BTBD9: variants seen among roughly 807,000 people sequenced by gnomAD.
BTBD9 encodes the protein BTB/POZ domain-containing protein 9.
BTBD9 carries 49 observed loss-of-function variants against 64.3 expected under a neutral mutation model. That is an observed-to-expected ratio of 0.76 (90% confidence interval 0.61 to 0.97). BTBD9 has a LOEUF of 0.97. BTBD9 is among the 50% of genes least tolerant of loss of function. BTBD9 has a pLI of 0.00. For missense variants in BTBD9, 598 were observed against 762.1 expected, an observed-to-expected ratio of 0.78 and a Z score of 2.53; for synonymous variants, 260 against 274.7, an observed-to-expected ratio of 0.95 and a Z score of 0.53.
At chr6:38,322,641 C>T (rs771758152) in intron 7 of BTBD9, among the ~76,000 whole-genome samples, 33 of 152,242 alleles carry the variant, frequency 2.2e-4, no homozygotes, top group Middle Eastern at 6.8e-3. Flanking sequence ...AGCCATTTAC[C>T]GCTCCATTTT....
intron 6 of BTBD9, among the ~76,000 whole-genome samples, chr6:38,476,086 TTG>T (rs1228943377): frequency 6.6e-6 from 1 of 152,222 alleles, no homozygotes; most frequent in Non-Finnish European, 1.5e-5. Flanking sequence ...GGGGTTGCCA[TTG>T]TGTTTTTCAC....
chr6:38,209,257 C>A (rs1440309195), intron 9 of BTBD9, among the ~76,000 whole-genome samples: 3 of 152,152 alleles, frequency 2.0e-5, no homozygotes, highest in African/African-American at 7.2e-5. Context: ...GTGTCTACCC[C>A]AGCCTTAGAT....
intron 6 of BTBD9, among the ~76,000 whole-genome samples, chr6:38,444,453 G>C (rs1462363377): frequency 6.6e-6 from 1 of 152,130 alleles, no homozygotes; most frequent in African/African-American, 2.4e-5. Flanking sequence ...CTTTCTTATA[G>C]CATATAGAAT....
At position 38,356,109 on chromosome 6, in the gene BTBD9, C is replaced by G. The variant is rs192739154; in HGVS notation, c.1155-11016G>C. On this transcript the variant is annotated intron_variant, in intron 6 of 10. Coordinates refer to ENST00000481247, the MANE Select transcript of BTBD9 (RefSeq NM_001099272.2). Reference sequence around the variant, plus strand: ...TCCTTTTGTCTTTTTTTTTAAAAAACCATGTCCTGCTCTTGGAGCATGTAG... The same window carrying G: ...TCCTTTTGTCTTTTTTTTTAAAAAAGCATGTCCTGCTCTTGGAGCATGTAG... 7.1e-4 allele frequency among the ~76,000 whole-genome samples: 108 copies of G among 152,018 alleles called. 1 individual carries two copies. Among genetic ancestry groups the G allele is most frequent in the Non-Finnish European group, 1.4e-3 (95 of 67,956 alleles).
intron 6 of BTBD9, among the ~76,000 whole-genome samples, chr6:38,417,877 T>C (rs1344738926): frequency 6.6e-6 from 1 of 152,082 alleles, no homozygotes; most frequent in Non-Finnish European, 1.5e-5. Flanking sequence ...GACTTTCATT[T>C]TCCCATAATA....
chr6:38,588,008 C>A, intron 4 of BTBD9: 2 of 742,144 alleles, frequency 2.7e-6, no homozygotes, highest in South Asian at 2.8e-5. Context: ...AGTTCAGCCA[C>A]AGCAACCACC....
At chr6:38,317,188 G>C (rs1375088844) in intron 7 of BTBD9, among the ~76,000 whole-genome samples, 1 of 151,928 alleles carries the variant, frequency 6.6e-6, no homozygotes, top group Non-Finnish European at 1.5e-5. Context: ...GTAGAGACAG[G>C]GTTTCACTAT....
chr6:38,257,191 C>T (rs945871286), intron 8 of BTBD9, among the ~76,000 whole-genome samples: 1 of 151,308 alleles, frequency 6.6e-6, no homozygotes, highest in Non-Finnish European at 1.5e-5. Flanking sequence ...GTGCGAGCCA[C>T]CGTGCCCAGC....
intron 6 of BTBD9, among the ~76,000 whole-genome samples, chr6:38,358,788 G>T (rs1438293542): frequency 1.4e-5 from 2 of 146,900 alleles, no homozygotes; most frequent in Admixed American, 6.8e-5. Flanking sequence ...TTTTTGAGAC[G>T]GAGTCTCGCT....
chr6:38,382,964 T>A (rs1766002096), intron 6 of BTBD9, among the ~76,000 whole-genome samples: 2 of 151,964 alleles, frequency 1.3e-5, no homozygotes, highest in South Asian at 4.1e-4. Context: ...TACCAAACAT[T>A]CAAGAAACAG....
intron 6 of BTBD9, among the ~76,000 whole-genome samples, chr6:38,544,306 CCATGGGAGTCCCCATGGATACTGAGA>C (rs1318814716): frequency 2.0e-5 from 3 of 152,092 alleles, no homozygotes; most frequent in East Asian, 3.9e-4. Flanking sequence ...ATTTTAGTAT[CCATGGGAGTCCCCATGGATACTGAGA>C]GACAACTATA....
intron 6 of BTBD9, among the ~76,000 whole-genome samples, chr6:38,429,880 G>A (rs1399815195): frequency 6.6e-6 from 1 of 151,912 alleles, no homozygotes; most frequent in Non-Finnish European, 1.5e-5. Flanking sequence ...TATGCTGAAT[G>A]AAAATTCCAA....
intron 6 of BTBD9, among the ~76,000 whole-genome samples, chr6:38,574,121 T>A (rs529248371): frequency 6.6e-6 from 1 of 152,294 alleles, no homozygotes; most frequent in African/African-American, 2.4e-5. Flanking sequence ...AATCCCCACT[T>A]AACTCACGAA....
intron 6 of BTBD9, among the ~76,000 whole-genome samples, chr6:38,533,152 C>A (rs2127431314): frequency 1.3e-5 from 2 of 152,080 alleles, no homozygotes; most frequent in Middle Eastern, 6.8e-3. Context: ...ACCCAACAAT[C>A]TGTTGCCTAC....
chr6:38,334,478 T>C (rs536882383), intron 7 of BTBD9, among the ~76,000 whole-genome samples: 24 of 152,162 alleles, frequency 1.6e-4, no homozygotes, highest in African/African-American at 4.6e-4. Flanking sequence ...GAGAATCACT[T>C]GAACCCAGGA....
intron 7 of BTBD9, among the ~76,000 whole-genome samples, chr6:38,310,732 G>T (rs776849787): frequency 4.6e-5 from 7 of 152,074 alleles, no homozygotes; most frequent in Non-Finnish European, 8.8e-5. Context: ...TTGGTACAGG[G>T]TATCCATCAC....
intron 6 of BTBD9, among the ~76,000 whole-genome samples, chr6:38,523,672 AT>A (rs1246479235): frequency 5.1e-4 from 77 of 152,312 alleles, no homozygotes; most frequent in Middle Eastern, 3.4e-3. Context: ...TTCCAACAAC[AT>A]TTTAGCCTAC....
At chr6:38,563,447 T>A (rs184912765) in intron 6 of BTBD9, among the ~76,000 whole-genome samples, 8 of 152,118 alleles carry the variant, frequency 5.3e-5, no homozygotes, top group Admixed American at 4.6e-4. Context: ...TCCCAACTGG[T>A]TTCCCTTCTT....
intron 4 of BTBD9, among the ~76,000 whole-genome samples, chr6:38,583,608 A>G (rs1029868918): frequency 6.6e-6 from 1 of 152,250 alleles, no homozygotes; most frequent in African/African-American, 2.4e-5. Context: ...CTTCAACACT[A>G]AAACTTATGA....
Sources: gnomAD v4.1 joint callset for allele counts (sites outside exome capture counted in the v4.1 genomes callset) on GRCh38, gnomAD v4.1.1 for gene constraint, MANE v1.5 for transcripts, NCBI Gene and HGNC (gene_info 2026-07-23, HGNC 2026-07-21) for gene names.